Variants in R3HDM1 observed in about 807,000 individuals in gnomAD.
The protein encoded by R3HDM1 is R3H domain containing 1, also known as R3H domain-containing protein 1.
A neutral mutation model predicts 141.1 loss-of-function variants in R3HDM1; 46 were observed. That is an observed-to-expected ratio of 0.33 (90% CI 0.26 to 0.42). The LOEUF is 0.42. Ranked by LOEUF, R3HDM1 falls within the 10% of genes least tolerant of loss-of-function variation. R3HDM1 has a pLI of 1.00. For missense variants in R3HDM1, 1,184 were observed against 1,368.3 expected, an observed-to-expected ratio of 0.87 and a Z score of 2.12; for synonymous variants, 435 against 472.9, an observed-to-expected ratio of 0.92 and a Z score of 1.04.
intron 23 of R3HDM1, among the ~76,000 whole-genome samples, chr2:135,714,841 C>A (rs1013209893): frequency 3.3e-5 from 5 of 151,848 alleles, no homozygotes; most frequent in African/African-American, 1.2e-4. Context: ...TCTGGGAATT[C>A]TTTTACAATC....
intron 1 of R3HDM1, among the ~76,000 whole-genome samples, chr2:135,539,672 AAAG>A (rs1418923616): frequency 1.3e-5 from 2 of 152,072 alleles, no homozygotes; most frequent in Non-Finnish European, 2.9e-5. Context: ...TTGAAAAAAA[AAAG>A]AGTTTTATAC....
chr2:135,650,442 A>G (rs1474319847), intron 17 of R3HDM1: 3 of 982,776 alleles, frequency 3.1e-6, no homozygotes, highest in Non-Finnish European at 3.6e-6. Context: ...TTCTAAGTAT[A>G]TTTTCTAAGA....
chr2:135,549,764 G>A (rs1699497238), intron 1 of R3HDM1, among the ~76,000 whole-genome samples: 1 of 152,092 alleles, frequency 6.6e-6, no homozygotes, highest in African/African-American at 2.4e-5. Context: ...TTCCTTAAAT[G>A]GAATGGGTGT....
At chr2:135,680,406 T>A (rs1333701015) in intron 21 of R3HDM1, 82 bp downstream of exon 21, 15 of 1,433,410 alleles carry the variant, frequency 1.0e-5, no homozygotes, top group Non-Finnish European at 1.5e-5. Context: ...TAAAGTTGAC[T>A]AAGGGGCATT....
At chr2:135,713,540 G>A (rs2075878848) in intron 23 of R3HDM1, among the ~76,000 whole-genome samples, 1 of 152,138 alleles carries the variant, frequency 6.6e-6, no homozygotes. Flanking sequence ...CTTTTTTCCT[G>A]TTGTAATATT....
At chr2:135,603,119 C>T (rs961752968) in intron 2 of R3HDM1, among the ~76,000 whole-genome samples, 2 of 152,000 alleles carry the variant, frequency 1.3e-5, no homozygotes, top group Admixed American at 1.3e-4. Context: ...GTAGCTGGGA[C>T]TACAGGCTTG....
chr2:135,641,550 G>A lies in R3HDM1; in HGVS notation c.1234G>A (p.Gly412Ser). The A allele has an allele frequency of 6.2e-7, 1 of 1,611,384 alleles. No individual in the cohort carries two copies. Residue 412 changes from glycine to serine, a missense_variant, in exon 15 of 27, where the codon GGT becomes AGT. Coordinates refer to ENST00000683871, the MANE Select transcript of R3HDM1 (RefSeq NM_001378107.1). ...RLSKTGSESS[G>S]SVGSSTGSLS... ...TCCTCTTCTAGGTTCTGAGTCTTCT[G>A]GTAGTGTAGGGTCATCTACAGGCTC...
At chr2:135,641,056 T>C (rs2063738090) in intron 14 of R3HDM1, among the ~76,000 whole-genome samples, 1 of 152,234 alleles carries the variant, frequency 6.6e-6, no homozygotes. Flanking sequence ...TTGACAGTTA[T>C]TTGTCTTAAT....
intron 1 of R3HDM1, among the ~76,000 whole-genome samples, chr2:135,548,660 A>G (rs915724552): frequency 1.2e-4 from 18 of 152,014 alleles, no homozygotes; most frequent in Admixed American, 1.1e-3. Flanking sequence ...TAGGATTTAC[A>G]TAAATGAAAT....
chr2:135,683,119 G>T (rs1236064146), intron 21 of R3HDM1, among the ~76,000 whole-genome samples: 1 of 152,224 alleles, frequency 6.6e-6, no homozygotes, highest in East Asian at 1.9e-4. Context: ...TGACAAACTA[G>T]CATTGATCTG....
chr2:135,676,968 G>A (rs1450613013), intron 20 of R3HDM1, among the ~76,000 whole-genome samples: 1 of 152,176 alleles, frequency 6.6e-6, no homozygotes, highest in East Asian at 1.9e-4. Flanking sequence ...ATAGTGTACA[G>A]ACTAGTAACT....
At chr2:135,619,100 G>A (rs2061330397) in intron 5 of R3HDM1, among the ~76,000 whole-genome samples, 1 of 151,842 alleles carries the variant, frequency 6.6e-6, no homozygotes, top group African/African-American at 2.4e-5. Flanking sequence ...AGTAGGCAGT[G>A]TAATGTTTTT....
chr2:135,618,452 G>A (rs979307388), intron 5 of R3HDM1, among the ~76,000 whole-genome samples: 7 of 143,776 alleles, frequency 4.9e-5, no homozygotes, highest in Non-Finnish European at 1.0e-4. Flanking sequence ...GTGAGCCACC[G>A]CGCCCGGCTG....
At chr2:135,539,379 G>A (rs1696961749) in intron 1 of R3HDM1, among the ~76,000 whole-genome samples, 1 of 152,100 alleles carries the variant, frequency 6.6e-6, no homozygotes, top group Admixed American at 6.5e-5. Context: ...CGTGAGTAAT[G>A]TGTTGTGTTA....
In R3HDM1 at chr2:135,651,744, G is replaced by A; in HGVS notation, c.1740G>A (p.Gly580=). The A allele has an allele frequency of 6.2e-7, 1 of 1,609,190 alleles. No homozygotes were observed. Among genetic ancestry groups the A allele is most frequent in the Non-Finnish European group, 8.5e-7 (1 of 1,176,482 alleles). ...TQQYSVQDNL[G]SQFSHMSLAR... ...TCCTTTTTTAGCAGGATAACCTAGGGTCTCAGTTTAGCCACATGAGTCTTG... is the reference window on the plus strand; with the variant it reads ...TCCTTTTTTAGCAGGATAACCTAGGATCTCAGTTTAGCCACATGAGTCTTG... The change falls in exon 18 of 27, where the codon GGG becomes GGA. Residue 580 remains glycine (G), a synonymous_variant. Transcript: ENST00000683871.
intron 3 of R3HDM1, among the ~76,000 whole-genome samples, chr2:135,613,685 A>C (rs983866693): frequency 2.6e-5 from 4 of 152,086 alleles, no homozygotes; most frequent in Non-Finnish European, 4.4e-5. Context: ...GCATGGTGGC[A>C]AACGCCTGTA....
intron 3 of R3HDM1, chr2:135,606,380 C>G (rs1208671628): frequency 6.6e-6 from 1 of 152,102 alleles, no homozygotes; most frequent in Non-Finnish European, 1.5e-5. Flanking sequence ...TGACATAAGT[C>G]AATAAAGCCA....
intron 21 of R3HDM1, among the ~76,000 whole-genome samples, chr2:135,705,868 G>T (rs192345267): frequency 3.9e-5 from 6 of 152,162 alleles, no homozygotes. Context: ...AGTGGCTCAC[G>T]CCTGCAATCC....
chr2:135,645,545 T>A lies in R3HDM1; in HGVS notation c.1623+18T>A. On this transcript the variant is annotated intron_variant, in intron 16 of 26. Transcript: ENST00000683871. The stretch of plus-strand genomic sequence containing the variant: ...TCTCACAGGTGCACATATCCATGAT[T>A]ACATAATGCTAAGTTGACTTGCCTT... 6.2e-7 allele frequency: 1 copy of A among 1,611,454 alleles called. No homozygotes were observed. The highest frequency in any genetic ancestry group is 8.5e-7 in the Non-Finnish European group (1 of 1,178,512).
Sources: allele counts gnomAD v4.1 joint callset (sites outside exome capture counted in the v4.1 genomes callset), GRCh38; gene constraint gnomAD v4.1.1; transcripts MANE v1.5; gene names NCBI Gene and HGNC (gene_info 2026-07-23, HGNC 2026-07-21).